The following CEMIP2 variants were observed in gnomAD, a reference collection of about 807,000 sequenced individuals.
CEMIP2 encodes the protein cell migration inducing hyaluronidase 2.
CEMIP2 carries 79 observed loss-of-function variants against 146.9 expected under a neutral mutation model. That is an observed-to-expected ratio of 0.54 (90% CI 0.45 to 0.65). The LOEUF (loss-of-function observed/expected upper bound fraction) is 0.65. Among genes scored for constraint, CEMIP2 ranks in the 30% least tolerant of loss-of-function variants. The pLI, the probability that CEMIP2 is intolerant of heterozygous loss-of-function variation, is 0.00. For missense variants in CEMIP2, 1,596 were observed against 1,696.2 expected (o/e 0.94, Z 1.04); for synonymous variants, 601 against 606.3 (o/e 0.99, Z 0.13).
At chr9:71,706,186 AC>A (rs1822731866) in intron 17 of CEMIP2, among the ~76,000 whole-genome samples, 1 of 151,276 alleles carries the variant, frequency 6.6e-6, no homozygotes. Context: ...CCAAGATAGC[AC>A]TATTGCACTC....
intron 12 of CEMIP2, among the ~76,000 whole-genome samples, chr9:71,719,554 A>G (rs1823169488): frequency 1.3e-5 from 2 of 152,054 alleles, no homozygotes; most frequent in African/African-American, 4.8e-5. Flanking sequence ...TAGAGAATGG[A>G]CTCTAAGGAG....
At position 71,692,336 on chromosome 9, in the gene CEMIP2, ATCTCTC is replaced by A. The variant is rs151025508; in HGVS notation, c.3697-2096_3697-2091del. 4.5e-3 allele frequency among the ~76,000 whole-genome samples: 201 copies of A among 44,288 alleles called. 1 individual carries two copies. Among genetic ancestry groups the A allele is most frequent in the Non-Finnish European group, 5.3e-3 (135 of 25,242 alleles). The allele number at this position is 44,288 out of a possible 152,430, so 29.1% of individuals were successfully genotyped here. On this transcript the variant is annotated intron_variant, in intron 21 of 23. Coordinates refer to ENST00000377044, the MANE Select transcript of CEMIP2 (RefSeq NM_013390.3). Reference sequence around the variant, plus strand: ...TTTTTTTTGGCAAAACGCTCTCCCCATCTCTCTCTCTCTCTCTCTCTACCCCCCATC... The same window carrying A: ...TTTTTTTTGGCAAAACGCTCTCCCCATCTCTCTCTCTCTCTACCCCCCATC...
upstream of CEMIP2, chr9:71,768,746 C>CA (rs1824880931): frequency 6.6e-6 from 1 of 152,066 alleles, no homozygotes; most frequent in East Asian, 2.0e-4. Flanking sequence ...GTCCCCGCGA[C>CA]AACAGGGGAG....
At chr9:71,726,568 C>A (rs571533457) in intron 10 of CEMIP2, among the ~76,000 whole-genome samples, 1 of 152,134 alleles carries the variant, frequency 6.6e-6, no homozygotes, top group South Asian at 2.1e-4. Context: ...AATTCATAGT[C>A]TAATAAGAAA....
intron 8 of CEMIP2, 76 bp from the exon 9 acceptor site, chr9:71,730,329 T>C: frequency 7.0e-7 from 1 of 1,426,436 alleles, no homozygotes. Flanking sequence ...CTATCCAGTG[T>C]AGCATGTTCA....
At position 71,712,087 on chromosome 9, in the gene CEMIP2, G is replaced by C; in HGVS notation, c.2765C>G (p.Pro922Arg). 6.2e-7 allele frequency: 1 copy of C among 1,613,868 alleles called. No individual in the cohort carries two copies. The highest frequency in any genetic ancestry group is 8.5e-7 in the Non-Finnish European group (1 of 1,179,926). Residue 922 changes from proline (P) to arginine (R), a missense_variant, in exon 16 of 24, where the codon CCA becomes CGA. Coordinates refer to ENST00000377044, the MANE Select transcript of CEMIP2 (RefSeq NM_013390.3). ...AGAACTACAGAACATACTTACATGT[G>C]GACCAAACTTCACGAGGGAGATATT... is the stretch of plus-strand genomic sequence containing the variant. ...RNNISLVKFGPHVSLNVFFGK... is the reference protein window; with the variant it reads ...RNNISLVKFGRHVSLNVFFGK...
At chr9:71,749,397 C>T (rs544519117) in intron 2 of CEMIP2, among the ~76,000 whole-genome samples, 4 of 151,472 alleles carry the variant, frequency 2.6e-5, no homozygotes, top group African/African-American at 7.3e-5. Flanking sequence ...GTTCACTATA[C>T]GTATGACTAA....
Position 71,728,299 on chromosome 9 carries a change from A to C in CEMIP2, c.2049+1546T>G, listed in dbSNP as rs1212679798. On this transcript the variant is annotated intron_variant, in intron 10 of 23. Coordinates refer to ENST00000377044, the MANE Select transcript of CEMIP2 (RefSeq NM_013390.3). ...TATATATGTATATATATATATATATATACATATATATATATATACGTATAT... is the reference window on the plus strand; with the variant it reads ...TATATATGTATATATATATATATATCTACATATATATATATATACGTATAT... Among the ~76,000 whole-genome samples the C allele has an allele frequency of 3.4e-4, 14 of 41,152 alleles. 1 individual carries two copies. Among genetic ancestry groups the C allele is most frequent in the African/African-American group, 1.5e-3 (14 of 9,278 alleles). 27.0% of individuals were successfully genotyped at this position (41,152 alleles called of 152,430 possible).
At chr9:71,718,733 C>T (rs533454789) in intron 12 of CEMIP2, among the ~76,000 whole-genome samples, 3 of 152,124 alleles carry the variant, frequency 2.0e-5, no homozygotes, top group African/African-American at 4.8e-5. Flanking sequence ...TCCATCGCCA[C>T]ACCCACCTAA....
At chr9:71,728,874 C>A (rs1049574198) in intron 10 of CEMIP2, among the ~76,000 whole-genome samples, 1 of 151,560 alleles carries the variant, frequency 6.6e-6, no homozygotes, top group Admixed American at 6.6e-5. Flanking sequence ...CTCTGTTACC[C>A]GGGCTGGAGT....
chr9:71,716,217 C>T (rs1418931509), intron 14 of CEMIP2, among the ~76,000 whole-genome samples: 1 of 152,088 alleles, frequency 6.6e-6, no homozygotes, highest in Non-Finnish European at 1.5e-5. Flanking sequence ...TACTTTTACT[C>T]CCTTCCTCTT....
intron 18 of CEMIP2, among the ~76,000 whole-genome samples, chr9:71,702,396 C>CA (rs1554681441): frequency 7.0e-6 from 1 of 143,046 alleles, no homozygotes; most frequent in Non-Finnish European, 1.5e-5. Context: ...TAGCAAAATG[C>CA]GGGGGGGCGG....
At chr9:71,731,623 T>C (rs1823619644) in intron 7 of CEMIP2, among the ~76,000 whole-genome samples, 1 of 151,706 alleles carries the variant, frequency 6.6e-6, no homozygotes, top group Admixed American at 6.6e-5. Flanking sequence ...CCCAGCTATT[T>C]GGCGGGGCTG....
chr9:71,715,625 G>GAGATATATATATATATAT (rs140408118), intron 14 of CEMIP2, among the ~76,000 whole-genome samples: 2 of 119,080 alleles, frequency 1.7e-5, no homozygotes, highest in African/African-American at 5.7e-5. Context: ...TCCCTCTTAA[G>GAGATATATATATATATAT]ATATATATAT....
At chr9:71,751,758 C>A (rs1824261488) in intron 1 of CEMIP2, among the ~76,000 whole-genome samples, 1 of 152,016 alleles carries the variant, frequency 6.6e-6, no homozygotes, top group Admixed American at 6.6e-5. Flanking sequence ...TCATGAGGAC[C>A]CAAAGTTGCC....
chr9:71,730,958 A>G, intron 7 of CEMIP2, 44 bp from the exon 8 acceptor site: 1 of 1,504,296 alleles, frequency 6.6e-7, no homozygotes, highest in Non-Finnish European at 9.2e-7. Flanking sequence ...TTTTCAGAAT[A>G]GGGAAGTAGC....
intron 21 of CEMIP2, 35 bp from the exon 22 acceptor site, chr9:71,690,281 C>G (rs773631753): frequency 1.4e-5 from 22 of 1,602,920 alleles, no homozygotes; most frequent in Non-Finnish European, 1.8e-5. Context: ...CTGTCATCAT[C>G]ATTTTGAGAA....
intron 4 of CEMIP2, among the ~76,000 whole-genome samples, chr9:71,741,631 G>GTTTTTTTTTTTTTTTTTT (rs11334265): frequency 3.4e-4 from 25 of 73,166 alleles, no homozygotes; most frequent in Middle Eastern, 0.017. Flanking sequence ...TTCTTTTCTG[G>GTTTTTTTTTTTTTTTTTT]TTTTTTTTTT....
intron 8 of CEMIP2, 137 bp downstream of exon 8, chr9:71,730,568 G>C (rs572783558): frequency 2.3e-6 from 2 of 886,400 alleles, no homozygotes; most frequent in Non-Finnish European, 3.3e-6. Context: ...CAGAAAAATC[G>C]TGGAATGCTC....
Sources: allele counts gnomAD v4.1 joint callset (sites outside exome capture counted in the v4.1 genomes callset), GRCh38; gene constraint gnomAD v4.1.1; transcripts MANE v1.5; gene names NCBI Gene and HGNC (gene_info 2026-07-23, HGNC 2026-07-21).